The following RPN2 variants were observed in gnomAD, a reference collection of about 807,000 sequenced individuals.
RPN2 encodes the protein ribophorin II, also known as dolichyl-diphosphooligosaccharide--protein glycosyltransferase subunit 2.
Under a neutral mutation model 71.4 loss-of-function variants are expected in RPN2, and 29 were observed. The ratio of observed to expected loss-of-function variants is 0.41; its 90% CI spans 0.30 to 0.55. The LOEUF is 0.55. RPN2 is among the 20% of genes least tolerant of loss of function. The pLI is 0.35. For synonymous variants in RPN2, 308 were observed against 305.0 expected (o/e 1.01, Z -0.10); for missense variants, 726 against 774.1 (o/e 0.94, Z 0.74).
Position 37,188,475 on chromosome 20 carries a change from C to A in RPN2, c.207+4102C>A, listed in dbSNP as rs1380809102. Among the ~76,000 whole-genome samples the A allele has an allele frequency of 3.9e-5, 6 of 152,058 alleles. No homozygotes were observed. The East Asian group carries it at 1.2e-3, about 29-fold the overall frequency. ...GCCCATTGTCGTACTTTTTAACCTT[C>A]TTTCAAGGATCCCAGCCTTTGCTGT... On this transcript the variant is annotated intron_variant, in intron 2 of 16. Transcript: ENST00000237530.
chr20:37,239,568 A>G (rs1354094023), intron 16 of RPN2, among the ~76,000 whole-genome samples: 3 of 109,620 alleles, frequency 2.7e-5, no homozygotes, highest in African/African-American at 8.3e-5. Flanking sequence ...ACAGAAGGGA[A>G]CTGCATTTGT....
In RPN2 at chr20:37,241,343, A is replaced by T. The variant is rs368535696; in HGVS notation, c.*28A>T. 3.1e-6 allele frequency: 5 copies of T among 1,611,508 alleles called. No homozygotes were observed. The highest frequency in any genetic ancestry group is 4.2e-6 in the Non-Finnish European group (5 of 1,178,464). ...CCAGAAGAAAGATGGAAATTCTGAA[A>T]ACTGAATGTCAAGAAAAGGAGTCAA... On this transcript the variant is annotated 3_prime_UTR_variant, in exon 17 of 17. Transcript: ENST00000237530.
At chr20:37,196,314 T>C (rs6073640) in intron 2 of RPN2, among the ~76,000 whole-genome samples, 122,419 of 150,956 alleles carry the variant, frequency 0.81, 50,228 homozygotes, top group Middle Eastern at 0.92. Context: ...CTGCAAGCTC[T>C]GCCTCCCGGG....
At chr20:37,232,534 C>T in intron 14 of RPN2, 143 bp downstream of exon 14, 2 of 1,046,064 alleles carry the variant, frequency 1.9e-6, no homozygotes, top group East Asian at 2.4e-5. Context: ...ATGCTCAAGA[C>T]ATTTTAGAAT....
intron 4 of RPN2, among the ~76,000 whole-genome samples, chr20:37,202,211 C>T (rs1244098472): frequency 1.3e-5 from 2 of 152,176 alleles, no homozygotes; most frequent in Non-Finnish European, 2.9e-5. Context: ...CAGCGTTTAT[C>T]ACGGGCAGAT....
chr20:37,199,795 GTTTT>G (rs1033956572), intron 4 of RPN2, among the ~76,000 whole-genome samples: 1 of 152,104 alleles, frequency 6.6e-6, no homozygotes, highest in Non-Finnish European at 1.5e-5. Flanking sequence ...ACTTCAGGGT[GTTTT>G]TTGCTAAGCT....
At chr20:37,214,606 G>C (rs953819157) in intron 9 of RPN2, among the ~76,000 whole-genome samples, 1 of 152,178 alleles carries the variant, frequency 6.6e-6, no homozygotes, top group Non-Finnish European at 1.5e-5. Context: ...CACTTGAAGA[G>C]GATGGGCTCT....
chr20:37,221,135 C>T (rs1342649399), intron 9 of RPN2, among the ~76,000 whole-genome samples: 2 of 152,028 alleles, frequency 1.3e-5, no homozygotes, highest in Non-Finnish European at 2.9e-5. Context: ...AAGTGAAAAC[C>T]TAAAAGCTGA....
intron 1 of RPN2, among the ~76,000 whole-genome samples, chr20:37,182,130 G>C (rs1272810884): frequency 6.6e-6 from 1 of 151,862 alleles, no homozygotes; most frequent in Non-Finnish European, 1.5e-5. Flanking sequence ...GTCTCACTCT[G>C]TCACCCAGGC....
At chr20:37,221,725 A>T (rs1350890254) in intron 9 of RPN2, among the ~76,000 whole-genome samples, 1 of 152,208 alleles carries the variant, frequency 6.6e-6, no homozygotes, top group Non-Finnish European at 1.5e-5. Flanking sequence ...GATTATTTTT[A>T]TAGCATGGAG....
chr20:37,231,725 A>AAAAG (rs1240044151), intron 13 of RPN2, among the ~76,000 whole-genome samples: 1 of 151,846 alleles, frequency 6.6e-6, no homozygotes, highest in African/African-American at 2.4e-5. Flanking sequence ...AAAAAAAAGA[A>AAAAG]AAAGAAATGA....
chr20:37,196,138 C>T (rs2067251938), intron 2 of RPN2, among the ~76,000 whole-genome samples: 1 of 152,026 alleles, frequency 6.6e-6, no homozygotes, highest in Non-Finnish European at 1.5e-5. Flanking sequence ...CGGCTCACTG[C>T]AACCTCTGCC....
chr20:37,223,991 C>G (rs933413201), intron 10 of RPN2, 22 bp downstream of exon 10: 7 of 1,601,288 alleles, frequency 4.4e-6, no homozygotes, highest in Non-Finnish European at 6.0e-6. Flanking sequence ...GCCACCTGAT[C>G]ACTCAGGGAG....
intron 4 of RPN2, among the ~76,000 whole-genome samples, chr20:37,201,246 C>T (rs940979530): frequency 1.1e-4 from 17 of 148,590 alleles, no homozygotes; most frequent in Non-Finnish European, 2.5e-4. Context: ...TTTGTTACTT[C>T]CTTCGTTGTT....
At chr20:37,209,443 G>T (rs1283533356) in intron 7 of RPN2, among the ~76,000 whole-genome samples, 2 of 151,318 alleles carry the variant, frequency 1.3e-5, no homozygotes, top group Non-Finnish European at 2.9e-5. Flanking sequence ...ACAGGCATGA[G>T]CCACTGCACC....
At chr20:37,232,080 G>A (rs994897332) in intron 13 of RPN2, among the ~76,000 whole-genome samples, 2 of 152,190 alleles carry the variant, frequency 1.3e-5, no homozygotes, top group African/African-American at 4.8e-5. Flanking sequence ...AGTGAGCTGG[G>A]GTTAATGTAG....
At chr20:37,230,567 CT>C (rs1378771588) in intron 13 of RPN2, among the ~76,000 whole-genome samples, 3 of 152,148 alleles carry the variant, frequency 2.0e-5, no homozygotes, top group Non-Finnish European at 2.9e-5. Flanking sequence ...TTCTAAAGCC[CT>C]TTCCAAAATA....
chr20:37,201,824 C>G (rs2067397841), intron 4 of RPN2, among the ~76,000 whole-genome samples: 1 of 152,018 alleles, frequency 6.6e-6, no homozygotes, highest in African/African-American at 2.4e-5. Flanking sequence ...TGGGCTTTTT[C>G]TAGGAAGTGT....
At position 37,233,979 on chromosome 20, in the gene RPN2, A is replaced by G. The variant is rs774274081; in HGVS notation, c.1678-41A>G. The G allele has an allele frequency of 5.6e-6, 9 of 1,607,272 alleles. No individual in the cohort carries two copies. In the Admixed American group the frequency reaches 1.0e-4, roughly 18 times the overall value. On this transcript the variant is annotated intron_variant, in intron 14 of 16. Transcript: ENST00000237530. ...CATGGCTTGTGTTGCTTCCCTTTTA[A>G]GTTCTAATGCCTTTTTAATTTATTT... is the stretch of plus-strand genomic sequence containing the variant.
Sources: allele counts gnomAD v4.1 joint callset (sites outside exome capture counted in the v4.1 genomes callset), GRCh38; gene constraint gnomAD v4.1.1; transcripts MANE v1.5; gene names NCBI Gene and HGNC (gene_info 2026-07-23, HGNC 2026-07-21).